The following BBS7 variants were observed in gnomAD, a reference collection of about 807,000 sequenced individuals.
BBS7 encodes the protein Bardet-Biedl syndrome 7.
In BBS7, 50 loss-of-function variants were observed where a neutral mutation model predicts 90.3. The observed-to-expected ratio is 0.55, with a 90% CI of 0.44 to 0.70. The LOEUF (loss-of-function observed/expected upper bound fraction) is 0.70, where lower values mean the gene tolerates loss of function less well. BBS7 is among the 30% of genes least tolerant of loss of function. The pLI, the probability that BBS7 is intolerant of heterozygous loss-of-function variation, is 0.00. For missense variants in BBS7, 729 were observed against 838.9 expected (o/e 0.87, Z 1.62); for synonymous variants, 235 against 287.4 (o/e 0.82, Z 1.85).
At chr4:121,869,433 C>A (rs1012164084) in intron 1 of BBS7, among the ~76,000 whole-genome samples, 2 of 152,184 alleles carry the variant, frequency 1.3e-5, no homozygotes, top group African/African-American at 4.8e-5. Flanking sequence ...CCCCTTAGAT[C>A]CTCATTTATA....
chr4:121,865,873 T>C (rs1402182423), intron 2 of BBS7, among the ~76,000 whole-genome samples: 1 of 152,184 alleles, frequency 6.6e-6, no homozygotes, highest in Non-Finnish European at 1.5e-5. Context: ...TATTTGTTGT[T>C]TTTTGGTTTT....
chr4:121,870,371 C>G lies in BBS7; in HGVS notation c.-58G>C. 6.2e-6 allele frequency: 10 copies of G among 1,604,964 alleles called. No individual in the cohort carries two copies. The South Asian group carries it at 1.1e-4, about 18-fold the overall frequency. The stretch of plus-strand genomic sequence containing the variant: ...ACAAGAACAGGAGGGACAGAGGCTT[C>G]GGGCCCGCAGGCCTCCGACCCAGTC... On this transcript the variant is annotated 5_prime_UTR_variant, in exon 1 of 19. Transcript: ENST00000264499.
chr4:121,853,127 T>C (rs201343260), intron 7 of BBS7, 41 bp from the exon 8 acceptor site: 277 of 1,594,970 alleles, frequency 1.7e-4, no homozygotes, highest in Admixed American at 3.7e-4. Flanking sequence ...AGAAGACTAA[T>C]AGTTATGGTC....
chr4:121,845,424 G>A, intron 11 of BBS7, 80 bp downstream of exon 11: 1 of 861,166 alleles, frequency 1.2e-6, no homozygotes, highest in Non-Finnish European at 1.8e-6. Flanking sequence ...AACTAAAAAT[G>A]TTCAATAATA....
chr4:121,841,263 A>G (rs1725724977), intron 12 of BBS7, among the ~76,000 whole-genome samples: 1 of 152,138 alleles, frequency 6.6e-6, no homozygotes, highest in African/African-American at 2.4e-5. Flanking sequence ...AGAGCATGAA[A>G]AAATGACTGG....
At chr4:121,832,355 C>A (rs1725237481) in intron 15 of BBS7, among the ~76,000 whole-genome samples, 1 of 151,620 alleles carries the variant, frequency 6.6e-6, no homozygotes, top group African/African-American at 2.4e-5. Flanking sequence ...GCAACAACAA[C>A]AAAAAAACAA....
intron 15 of BBS7, 143 bp from the exon 16 acceptor site, chr4:121,828,871 A>T (rs1032997730): frequency 1.9e-6 from 1 of 522,100 alleles, no homozygotes; most frequent in Non-Finnish European, 3.3e-6. Context: ...ATATAAAGCA[A>T]ATTTAAACAT....
intron 13 of BBS7, among the ~76,000 whole-genome samples, chr4:121,837,090 G>A (rs1725498696): frequency 6.6e-6 from 1 of 152,042 alleles, no homozygotes; most frequent in South Asian, 2.1e-4. Flanking sequence ...CTCCCAAGTA[G>A]CTGGGATTAC....
Position 121,843,916 on chromosome 4 carries a change from T to A in BBS7, c.1305+11A>T. ...AAAGCATGTGAAGAATTCTTTTATATTTTTACTCACCTCAGAATCACAGCT... is the reference window on the plus strand; with the variant it reads ...AAAGCATGTGAAGAATTCTTTTATAATTTTACTCACCTCAGAATCACAGCT... On this transcript the variant is annotated intron_variant, in intron 12 of 18. Transcript: ENST00000264499. 2 of 1,568,756 alleles carry A rather than the reference T, an allele frequency of 1.3e-6. No homozygotes were observed. Among genetic ancestry groups the A allele is most frequent in the Non-Finnish European group, 1.7e-6 (2 of 1,145,330 alleles).
chr4:121,829,447 A>G (rs1553930668), intron 15 of BBS7, among the ~76,000 whole-genome samples: 1 of 152,180 alleles, frequency 6.6e-6, no homozygotes, highest in Non-Finnish European at 1.5e-5. Context: ...CATGTTGGCC[A>G]GGATGGTCTC....
chr4:121,847,726 T>G (rs1726089019), intron 9 of BBS7, among the ~76,000 whole-genome samples: 1 of 152,142 alleles, frequency 6.6e-6, no homozygotes, highest in African/African-American at 2.4e-5. Flanking sequence ...TATCATTTTT[T>G]TTTTGCCTGA....
intron 15 of BBS7, among the ~76,000 whole-genome samples, chr4:121,829,537 C>T (rs1725076528): frequency 6.6e-6 from 1 of 152,116 alleles, no homozygotes; most frequent in African/African-American, 2.4e-5. Flanking sequence ...AGATTACAGG[C>T]GTGAGCCACC....
intron 8 of BBS7, among the ~76,000 whole-genome samples, chr4:121,852,140 C>T (rs1265169419): frequency 6.6e-6 from 1 of 152,194 alleles, no homozygotes; most frequent in Non-Finnish European, 1.5e-5. Flanking sequence ...AACTGTGTAA[C>T]ATTTTTATCC....
intron 18 of BBS7, chr4:121,827,762 T>A (rs1294803122): frequency 3.2e-6 from 3 of 932,634 alleles, no homozygotes; most frequent in Non-Finnish European, 3.9e-6. Context: ...GCCTTAAAAA[T>A]TTTAAATGCT....
chr4:121,835,470 G>C (rs1446734216), intron 13 of BBS7, among the ~76,000 whole-genome samples, 187 bp from the exon 14 acceptor site: 3 of 152,124 alleles, frequency 2.0e-5, no homozygotes, highest in Non-Finnish European at 4.4e-5. Flanking sequence ...GGGACAGACT[G>C]TAGTACATCT....
chr4:121,862,077 C>T (rs373844843), intron 3 of BBS7, among the ~76,000 whole-genome samples: 1 of 152,126 alleles, frequency 6.6e-6, no homozygotes, highest in Admixed American at 6.6e-5. Flanking sequence ...AATACTCCTA[C>T]GAACAGGGAA....
At chr4:121,852,923 T>A in intron 8 of BBS7, 33 bp downstream of exon 8, 1 of 1,603,890 alleles carries the variant, frequency 6.2e-7, no homozygotes, top group Middle Eastern at 1.7e-4. Context: ...ATTTGACAAA[T>A]AATAAGCATA....
At chr4:121,832,007 AAAAC>A (rs1317259251) in intron 15 of BBS7, among the ~76,000 whole-genome samples, 2 of 81,062 alleles carry the variant, frequency 2.5e-5, no homozygotes, top group Non-Finnish European at 4.4e-5. Flanking sequence ...AAAAAAAACA[AAAAC>A]ACACACACAC....
In BBS7 at chr4:121,859,096, G is replaced by A. The variant is rs867354914; in HGVS notation, c.424C>T (p.Leu142Phe). ...YCDCKDQHYY[L>F]SGDKINDVIC... Reference sequence around the variant, plus strand: ...ACATCATTGATTTTATCCCCAGAAAGGTAATAATGTTGGTCTTTGCAGTCA... The same window carrying A: ...ACATCATTGATTTTATCCCCAGAAAAGTAATAATGTTGGTCTTTGCAGTCA... The change falls in exon 5 of 19, where the codon CTT becomes TTT. Residue 142 changes from leucine to phenylalanine, a missense_variant. Coordinates refer to ENST00000264499, the MANE Select transcript of BBS7 (RefSeq NM_176824.3). 7 of 1,613,698 alleles carry A rather than the reference G, an allele frequency of 4.3e-6. No homozygotes were observed. In the Middle Eastern group the frequency reaches 6.6e-4, roughly 152 times the overall value.
Sources: gnomAD v4.1 joint callset for allele counts (sites outside exome capture counted in the v4.1 genomes callset) on GRCh38, gnomAD v4.1.1 for gene constraint, MANE v1.5 for transcripts, NCBI Gene and HGNC (gene_info 2026-07-23, HGNC 2026-07-21) for gene names.